The following BMS1 variants were observed in gnomAD, a reference collection of about 807,000 sequenced individuals.
BMS1 encodes BMS1 ribosome biogenesis factor.
BMS1 carries 53 observed loss-of-function variants against 138.7 expected under a neutral mutation model. The ratio of observed to expected loss-of-function variants is 0.38; its 90% confidence interval spans 0.31 to 0.48. The LOEUF is 0.48. Among genes scored for constraint, BMS1 ranks in the 20% least tolerant of loss-of-function variants. BMS1 has a pLI of 0.97. For synonymous variants in BMS1, 504 were observed against 539.9 expected (o/e 0.93, Z 0.92); for missense variants, 1,360 against 1,565.5 (o/e 0.87, Z 2.22).
At chr10:42,783,865 T>C (rs548589714) in intron 1 of BMS1, among the ~76,000 whole-genome samples, 1 of 152,370 alleles carries the variant, frequency 6.6e-6, no homozygotes, top group African/African-American at 2.4e-5. Context: ...TTTCACATTT[T>C]TTTATTAAAA....
intron 13 of BMS1, among the ~76,000 whole-genome samples, chr10:42,802,419 A>G (rs190974241): frequency 1.3e-5 from 2 of 152,332 alleles, no homozygotes; most frequent in Admixed American, 1.3e-4. Context: ...TTTACTGCGT[A>G]TGGACTTTAA....
chr10:42,795,092 C>T (rs1192553719), intron 9 of BMS1, among the ~76,000 whole-genome samples: 2 of 142,246 alleles, frequency 1.4e-5, no homozygotes, highest in African/African-American at 5.0e-5. Flanking sequence ...AGGACATGAA[C>T]TCATCCTTTT....
intron 13 of BMS1, among the ~76,000 whole-genome samples, chr10:42,814,748 T>C (rs1280009465): frequency 6.6e-6 from 1 of 152,220 alleles, no homozygotes; most frequent in East Asian, 1.9e-4. Context: ...CAGTCCCTGC[T>C]GTTGCCCACC....
chr10:42,818,030 G>T (rs1429822446), intron 15 of BMS1, among the ~76,000 whole-genome samples: 3 of 152,212 alleles, frequency 2.0e-5, no homozygotes, highest in African/African-American at 7.2e-5. Flanking sequence ...TGCTGAGCAG[G>T]TTGCTGGAGG....
Position 42,796,920 on chromosome 10 carries a change from A to G in BMS1, c.1676A>G (p.Asp559Gly), listed in dbSNP as rs1351952266. Residue 559 changes from aspartate (D) to glycine (G), a missense_variant, in exon 10 of 23, where the codon GAC becomes GGC. Around this residue, in one of 3 missense-constraint regions of BMS1, gnomAD observed 697 missense variants for 686.2 expected, o/e 1.02. Coordinates refer to ENST00000374518, the MANE Select transcript of BMS1 (RefSeq NM_014753.4). ...CTGTCACCAGCTAATTGCCAGAGTGACCGTGTGAATCTGGAGAAGTCTTTG... is the reference window on the plus strand; with the variant it reads ...CTGTCACCAGCTAATTGCCAGAGTGGCCGTGTGAATCTGGAGAAGTCTTTG... ...AGLSPANCQS[D>G]RVNLEKSLLM... is the part of the protein sequence containing the mutation. The G allele has an allele frequency of 6.2e-7, 1 of 1,614,044 alleles. No homozygotes were observed. Among genetic ancestry groups the G allele is most frequent in the African/African-American group, 1.3e-5 (1 of 74,904 alleles).
chr10:42,808,290 AT>A (rs1473388795), intron 13 of BMS1, among the ~76,000 whole-genome samples: 2 of 113,354 alleles, frequency 1.8e-5, no homozygotes, highest in East Asian at 3.0e-4. Context: ...TTATTTATTT[AT>A]TTATTATTAT....
In BMS1 at chr10:42,823,716, C is replaced by T. The variant is rs138529489; in HGVS notation, c.3388C>T (p.Arg1130Trp). 1,641 of 1,595,692 alleles carry T rather than the reference C, an allele frequency of 1.0e-3. 16 individuals are homozygous for T. The South Asian group carries it at 0.012, about 11-fold the overall frequency. The change falls in exon 21 of 23, where the codon CGG becomes TGG. Residue 1130 changes from arginine to tryptophan, a missense_variant. By Grantham distance (101) the Arg-to-Trp change is moderately radical. Transcript: ENST00000374518. ...TGAGAAAGACACCTGGTCAGGAATG[C>T]GGACCACGGGCCAACTCAGGCTCGC... ...VGEKDTWSGM[R>W]TTGQLRLAHG... is the part of the protein sequence containing the mutation.
chr10:42,803,100 C>T (rs1247346567), intron 13 of BMS1, among the ~76,000 whole-genome samples: 2 of 152,170 alleles, frequency 1.3e-5, no homozygotes, highest in Non-Finnish European at 2.9e-5. Context: ...TGGCCCACTG[C>T]AGCCTCAACC....
intron 18 of BMS1, 26 bp downstream of exon 18, chr10:42,821,018 A>G (rs1326363953): frequency 1.3e-6 from 2 of 1,513,456 alleles, no homozygotes; most frequent in East Asian, 2.2e-5. Context: ...GATTTCTTTT[A>G]CAGATTGGTT....
At position 42,820,230 on chromosome 10, in the gene BMS1, G is replaced by A. The variant is rs769566021; in HGVS notation, c.2581-6G>A. ...TACAGGTTTTTTTATTCCCCATCAT[G>A]TACAGCTGAATCGCGCAGAATTTGA... On this transcript the variant is annotated splice_polypyrimidine_tract_variant and splice_region_variant and intron_variant, in intron 15 of 22. Transcript: ENST00000374518. The A allele has an allele frequency of 8.1e-6, 13 of 1,609,894 alleles. No individual in the cohort carries two copies. The South Asian group carries it at 1.2e-4, about 15-fold the overall frequency.
intron 15 of BMS1, among the ~76,000 whole-genome samples, chr10:42,818,519 GT>G: frequency 6.6e-6 from 1 of 152,214 alleles, no homozygotes; most frequent in South Asian, 2.1e-4. Context: ...AGCTGGGTCA[GT>G]AGGATTTCCT....
In BMS1 at chr10:42,830,933, G is replaced by A. The variant is rs780954844; in HGVS notation, c.3686G>A (p.Arg1229Gln). 13 of 1,611,810 alleles carry A rather than the reference G, an allele frequency of 8.1e-6. No individual in the cohort carries two copies. The highest frequency in any genetic ancestry group is 1.7e-4 in the Middle Eastern group (1 of 6,056). The change falls in exon 23 of 23, where the codon CGG becomes CAG. Residue 1229 changes from arginine (R) to glutamine (Q), a missense_variant. Arg to Gln is a conservative substitution (Grantham distance 43). This residue lies in a region of BMS1 where 425 missense variants were observed against 568.3 expected (regional missense o/e 0.75). Coordinates refer to ENST00000374518, the MANE Select transcript of BMS1 (RefSeq NM_014753.4). ...SQKMKKAKEQ[R>Q]HLHNKEHFRA... ...AAGATGAAGAAGGCCAAGGAGCAGC[G>A]GCACCTGCACAATAAAGAGCACTTC...
At chr10:42,812,472 G>A (rs7069774) in intron 13 of BMS1, among the ~76,000 whole-genome samples, 71,740 of 152,046 alleles carry the variant, frequency 0.47, 17,647 homozygotes, top group East Asian at 0.63. Flanking sequence ...TGAGAGGAGG[G>A]TGTTGAAGTA....
intron 13 of BMS1, among the ~76,000 whole-genome samples, chr10:42,808,507 G>T (rs775725920): frequency 7.9e-5 from 12 of 151,906 alleles, no homozygotes; most frequent in Non-Finnish European, 1.2e-4. Flanking sequence ...CACAGTGTTT[G>T]CCAGGATGGT....
chr10:42,828,306 T>C (rs1399224426), intron 21 of BMS1, among the ~76,000 whole-genome samples: 1 of 152,274 alleles, frequency 6.6e-6, no homozygotes, highest in Non-Finnish European at 1.5e-5. Context: ...ATTGTCATTG[T>C]TGAGTTCCAG....
rs574062284 is a variant in BMS1, at chr10:42,805,627, C to T, written c.2329+3409C>T. ...TTTCTGATCTATGAACATAGTAACT[C>T]TCCATTTATCTTGTTCTTTAATTTC... On this transcript the variant is annotated intron_variant, in intron 13 of 22. Coordinates refer to ENST00000374518, the MANE Select transcript of BMS1 (RefSeq NM_014753.4). Among the ~76,000 whole-genome samples the T allele has an allele frequency of 5.9e-5, 9 of 152,282 alleles. No individual in the cohort carries two copies. The South Asian group carries it at 1.7e-3, about 28-fold the overall frequency.
chr10:42,824,417 C>T (rs566582434), intron 21 of BMS1, among the ~76,000 whole-genome samples: 1 of 152,302 alleles, frequency 6.6e-6, no homozygotes, highest in Non-Finnish European at 1.5e-5. Flanking sequence ...GCAAATATTT[C>T]TCCCAGTCTA....
chr10:42,827,847 C>G (rs772177564), intron 21 of BMS1, among the ~76,000 whole-genome samples: 1 of 152,070 alleles, frequency 6.6e-6, no homozygotes, highest in Non-Finnish European at 1.5e-5. Context: ...ATTGATCGGC[C>G]CCTTGCTGGC....
At chr10:42,808,586 A>T (rs750459229) in intron 13 of BMS1, among the ~76,000 whole-genome samples, 1 of 152,126 alleles carries the variant, frequency 6.6e-6, no homozygotes, top group East Asian at 1.9e-4. Context: ...GGCGTGAGCC[A>T]CCGTGTCGGG....
Sources: allele counts gnomAD v4.1 joint callset (sites outside exome capture counted in the v4.1 genomes callset), GRCh38; gene constraint gnomAD v4.1.1; regional missense constraint gnomAD v4.1.1; transcripts MANE v1.5; gene names NCBI Gene and HGNC (gene_info 2026-07-23, HGNC 2026-07-21).